The following GTF2A1 variants were observed in gnomAD, a reference collection of about 807,000 sequenced individuals.
GTF2A1 encodes transcription initiation factor IIA subunit 1.
In GTF2A1, 12 loss-of-function variants were observed where a neutral mutation model predicts 54.1. The ratio of observed to expected loss-of-function variants is 0.22; its 90% CI spans 0.14 to 0.36. The LOEUF is 0.36. GTF2A1 is among the 10% of genes least tolerant of loss of function. The probability of loss-of-function intolerance (pLI) is 1.00; values close to 1 mark genes in which losing one functional copy is unlikely to be tolerated. For synonymous variants in GTF2A1, 145 were observed against 152.0 expected, an observed-to-expected ratio of 0.95 and a Z score of 0.34; for missense variants, 335 against 442.2, an observed-to-expected ratio of 0.76 and a Z score of 2.17.
At chr14:81,193,495 T>C (rs1595214228) in intron 6 of GTF2A1, among the ~76,000 whole-genome samples, 1 of 152,284 alleles carries the variant, frequency 6.6e-6, no homozygotes, top group South Asian at 2.1e-4. Context: ...CAGACATAAA[T>C]ACAGCAGACG....
intron 8 of GTF2A1, among the ~76,000 whole-genome samples, chr14:81,183,611 T>C (rs1892681981): frequency 6.6e-6 from 1 of 152,342 alleles, no homozygotes; most frequent in South Asian, 2.1e-4. Flanking sequence ...TGAAGGAATA[T>C]TCTTAAAGCC....
intron 3 of GTF2A1, among the ~76,000 whole-genome samples, chr14:81,202,453 T>C (rs1893134306): frequency 6.6e-6 from 1 of 152,080 alleles, no homozygotes; most frequent in Non-Finnish European, 1.5e-5. Flanking sequence ...ATCAGCCGGG[T>C]GCAGGGATGC....
chr14:81,188,011 T>C (rs1022860879), intron 7 of GTF2A1, among the ~76,000 whole-genome samples: 2 of 152,224 alleles, frequency 1.3e-5, no homozygotes, highest in African/African-American at 4.8e-5. Context: ...TTTTTGAGTA[T>C]AGCTATTCTA....
At chr14:81,215,563 C>A (rs1445446472) in intron 2 of GTF2A1, among the ~76,000 whole-genome samples, 1 of 152,128 alleles carries the variant, frequency 6.6e-6, no homozygotes, top group African/African-American at 2.4e-5. Flanking sequence ...TAAAAAAAAT[C>A]TAAATATTTC....
At chr14:81,204,815 G>A (rs1236974817) in intron 2 of GTF2A1, among the ~76,000 whole-genome samples, 1 of 152,112 alleles carries the variant, frequency 6.6e-6, no homozygotes, top group Non-Finnish European at 1.5e-5. Flanking sequence ...TGGACAAAAA[G>A]AAAGAAAAGA....
At position 81,176,421 on chromosome 14, in the gene GTF2A1, G is replaced by C. The variant is rs547163055; in HGVS notation, c.*3802C>G. ...GATTAGCCCCGCCCCCCAAGTCATAGTCCTGATGTAGACTGGACTGATTAA... is the reference window on the plus strand; with the variant it reads ...GATTAGCCCCGCCCCCCAAGTCATACTCCTGATGTAGACTGGACTGATTAA... On this transcript the variant is annotated 3_prime_UTR_variant, in exon 9 of 9. Transcript: ENST00000553612. 6.6e-6 allele frequency: 1 copy of C among 152,286 alleles called. No homozygotes were observed. The highest frequency in any genetic ancestry group is 2.4e-5 in the African/African-American group (1 of 41,572). 9.4% of individuals were successfully genotyped at this position (152,286 alleles called of 1,614,324 possible). A position where few individuals can be genotyped will look rare whatever the true frequency, so the allele number is the denominator to read the frequency against.
At position 81,176,586 on chromosome 14, in the gene GTF2A1, C is replaced by T. The variant is rs1892533722; in HGVS notation, c.*3637G>A. On this transcript the variant is annotated 3_prime_UTR_variant, in exon 9 of 9. Coordinates refer to ENST00000553612, the MANE Select transcript of GTF2A1 (RefSeq NM_015859.4). ...TTAAACCATAGACAATGACAAAAGA[C>T]AAGAGTAAGGCAGGCTTAAAAAGGG... 1 of 151,934 alleles carries T rather than the reference C, an allele frequency of 6.6e-6. No homozygotes were observed. Among genetic ancestry groups the T allele is most frequent in the Non-Finnish European group, 1.5e-5 (1 of 67,944 alleles). The allele number at this position is 151,934 out of a possible 1,614,324, so 9.4% of individuals were successfully genotyped here.
chr14:81,204,218 A>G, intron 2 of GTF2A1, 114 bp from the exon 3 acceptor site: 1 of 814,986 alleles, frequency 1.2e-6, no homozygotes, highest in Admixed American at 1.7e-5. Flanking sequence ...TGATACAGAC[A>G]CAGAAATACA....
chr14:81,194,798 G>T (rs1892953945), intron 6 of GTF2A1, among the ~76,000 whole-genome samples: 1 of 152,222 alleles, frequency 6.6e-6, no homozygotes, highest in Non-Finnish European at 1.5e-5. Context: ...ATGTTGAGTT[G>T]TTTAGGCTCT....
At position 81,177,110 on chromosome 14, in the gene GTF2A1, A is replaced by G. The variant is rs1473873769; in HGVS notation, c.*3113T>C. On this transcript the variant is annotated 3_prime_UTR_variant, in exon 9 of 9. Coordinates refer to ENST00000553612, the MANE Select transcript of GTF2A1 (RefSeq NM_015859.4). ...AAAAGAAAATATTCATATAAAAGCT[A>G]TATGTTATTTCCTAAAACCAGAATC... The G allele has an allele frequency of 1.3e-5, 2 of 152,122 alleles. No individual in the cohort carries two copies. Among genetic ancestry groups the G allele is most frequent in the Non-Finnish European group, 2.9e-5 (2 of 67,954 alleles). The allele number at this position is 152,122 out of a possible 1,614,324, so 9.4% of individuals were successfully genotyped here. A position where few individuals can be genotyped will look rare whatever the true frequency, so the allele number is the denominator to read the frequency against.
At chr14:81,215,292 A>G (rs1453886677) in intron 2 of GTF2A1, among the ~76,000 whole-genome samples, 1 of 152,240 alleles carries the variant, frequency 6.6e-6, no homozygotes, top group African/African-American at 2.4e-5. Context: ...TATCTCAAGG[A>G]AAAGCACCTG....
intron 5 of GTF2A1, among the ~76,000 whole-genome samples, chr14:81,196,947 A>G (rs1893005863): frequency 6.6e-6 from 1 of 152,222 alleles, no homozygotes; most frequent in African/African-American, 2.4e-5. Context: ...CCATGTAAAT[A>G]AATTTTTCAA....
chr14:81,189,146 C>G (rs112376918), intron 7 of GTF2A1, among the ~76,000 whole-genome samples: 38 of 152,196 alleles, frequency 2.5e-4, no homozygotes, highest in African/African-American at 8.4e-4. Context: ...TGGTACAGCT[C>G]TAACAGTATC....
At chr14:81,219,800 G>C (rs1357951448) in intron 1 of GTF2A1, among the ~76,000 whole-genome samples, 1 of 152,196 alleles carries the variant, frequency 6.6e-6, no homozygotes, top group Non-Finnish European at 1.5e-5. Context: ...GGGGACACTT[G>C]GACCACTGCA....
chr14:81,220,808 G>A lies in GTF2A1; in HGVS notation c.-290C>T, dbSNP rs144415894. On this transcript the variant is annotated 5_prime_UTR_variant, in exon 1 of 9. Transcript: ENST00000553612. ...TGCCCGCTCCCCACCCCGCGCCAAG[G>A]AGGGAAACCACCACCGGTCACCGCT... 4,860 of 338,796 alleles carry A rather than the reference G, an allele frequency of 0.014. 55 individuals are homozygous for A. Among genetic ancestry groups the A allele is most frequent in the Middle Eastern group, 0.023 (30 of 1,288 alleles). 21.0% of individuals were successfully genotyped at this position (338,796 alleles called of 1,614,324 possible). A position where few individuals can be genotyped will look rare whatever the true frequency, so the allele number is the denominator to read the frequency against.
chr14:81,207,454 T>A (rs920818656), intron 2 of GTF2A1, among the ~76,000 whole-genome samples: 4 of 152,200 alleles, frequency 2.6e-5, no homozygotes, highest in Admixed American at 6.5e-5. Flanking sequence ...TAAGTCCAAT[T>A]AAACCTCTTT....
chr14:81,219,448 A>T (rs1893560915), intron 1 of GTF2A1, among the ~76,000 whole-genome samples: 1 of 152,198 alleles, frequency 6.6e-6, no homozygotes, highest in Non-Finnish European at 1.5e-5. Context: ...CAGAGTCTAT[A>T]TTAGAGAGCG....
In GTF2A1 at chr14:81,188,726, G is replaced by A. The variant is rs560595591; in HGVS notation, c.934-3106C>T. 6.0e-5 allele frequency among the ~76,000 whole-genome samples: 9 copies of A among 149,300 alleles called. No homozygotes were observed. The South Asian group carries it at 8.4e-4, about 14-fold the overall frequency. ...CGGGAGGCTGAGCTTGCAGTGAGCC[G>A]ACATCGCGCCACTGCACTCCAGCCT... is the stretch of plus-strand genomic sequence containing the variant. On this transcript the variant is annotated intron_variant, in intron 7 of 8. Coordinates refer to ENST00000553612, the MANE Select transcript of GTF2A1 (RefSeq NM_015859.4).
At chr14:81,209,807 C>A in intron 2 of GTF2A1, 1 of 573,088 alleles carries the variant, frequency 1.7e-6, no homozygotes, top group Non-Finnish European at 2.9e-6. Context: ...GTCTCAACAG[C>A]CTCAAAGAAA....
Sources: allele counts gnomAD v4.1 joint callset (sites outside exome capture counted in the v4.1 genomes callset), GRCh38; gene constraint gnomAD v4.1.1; transcripts MANE v1.5; gene names NCBI Gene and HGNC (gene_info 2026-07-23, HGNC 2026-07-21).